ANK3: variants seen among roughly 807,000 people sequenced by gnomAD.
ANK3 encodes the protein ankyrin-3.
A neutral mutation model predicts 370.9 loss-of-function variants in ANK3; 57 were observed. The ratio of observed to expected loss-of-function variants is 0.15; its 90% confidence interval spans 0.12 to 0.19. ANK3 has a LOEUF of 0.19. ANK3 is among the 10% of genes least tolerant of loss of function. The pLI is 1.00. For missense variants in ANK3, 4,439 were observed against 5,302.1 expected (o/e 0.84, Z 5.06); for synonymous variants, 1,929 against 1,946.3 (o/e 0.99, Z 0.23).
intron 9 of ANK3, among the ~76,000 whole-genome samples, chr10:60,210,223 C>G (rs1204451839): frequency 1.3e-5 from 2 of 152,002 alleles, no homozygotes; most frequent in African/African-American, 2.4e-5. Flanking sequence ...GAGAACCAGA[C>G]AGCAAGCAAG....
At chr10:60,529,470 G>C (rs1179750559) in intron 2 of ANK3, among the ~76,000 whole-genome samples, 10 of 152,204 alleles carry the variant, frequency 6.6e-5, no homozygotes, top group South Asian at 6.2e-4. Flanking sequence ...AATTTATTTT[G>C]AAAATTAAGA....
At chr10:60,080,196 AT>A (rs902421906) in intron 36 of ANK3, among the ~76,000 whole-genome samples, 15 of 152,214 alleles carry the variant, frequency 9.9e-5, no homozygotes, top group African/African-American at 3.6e-4. Context: ...TATTTGAGTA[AT>A]TTTTTTCATC....
chr10:60,694,635 T>A (rs945255868), intron 1 of ANK3, among the ~76,000 whole-genome samples: 5 of 152,096 alleles, frequency 3.3e-5, no homozygotes, highest in Admixed American at 6.5e-5. Context: ...GAATTTCATA[T>A]CCAGCAAAAC....
intron 1 of ANK3, among the ~76,000 whole-genome samples, chr10:60,681,371 C>T (rs188409128): frequency 3.9e-5 from 6 of 152,280 alleles, no homozygotes; most frequent in African/African-American, 1.4e-4. Context: ...CGAATTTTTC[C>T]ATCTCAATTC....
At chr10:60,525,405 G>A (rs1451003099) in intron 2 of ANK3, among the ~76,000 whole-genome samples, 1 of 152,070 alleles carries the variant, frequency 6.6e-6, no homozygotes, top group Non-Finnish European at 1.5e-5. Flanking sequence ...TAATACACAT[G>A]TTGTTTCAAT....
At chr10:60,497,988 T>C (rs917180331) in intron 2 of ANK3, among the ~76,000 whole-genome samples, 1 of 152,232 alleles carries the variant, frequency 6.6e-6, no homozygotes, top group Non-Finnish European at 1.5e-5. Context: ...GTTTACCTTT[T>C]GTTGGAACAT....
chr10:60,172,870 T>C (rs2095831226), intron 20 of ANK3, 30 bp downstream of exon 20: 1 of 1,487,142 alleles, frequency 6.7e-7, no homozygotes, highest in Admixed American at 1.7e-5. Context: ...ATCTCCTCCC[T>C]CTTCTCCTGA....
intron 2 of ANK3, among the ~76,000 whole-genome samples, chr10:60,604,285 G>A (rs545657227): frequency 1.3e-5 from 2 of 152,262 alleles, no homozygotes; most frequent in East Asian, 1.9e-4. Flanking sequence ...GTTTTTATAA[G>A]AATTCTTTTA....
intron 2 of ANK3, among the ~76,000 whole-genome samples, chr10:60,588,059 A>G (rs1182374914): frequency 6.6e-6 from 1 of 152,096 alleles, no homozygotes; most frequent in East Asian, 1.9e-4. Context: ...AAAGAGAGAC[A>G]GCTAGACAGC....
At chr10:60,436,630 T>C (rs980284007) in intron 2 of ANK3, among the ~76,000 whole-genome samples, 2 of 152,204 alleles carry the variant, frequency 1.3e-5, no homozygotes, top group African/African-American at 4.8e-5. Flanking sequence ...TTCAAATGCT[T>C]TGCCTATTTT....
Position 60,074,475 on chromosome 10 carries a change from T to C in ANK3, c.6406A>G (p.Lys2136Glu). Residue 2136 changes from lysine (K) to glutamate (E), a missense_variant, in exon 37 of 44, where the codon AAG becomes GAG. Around this residue, in one of 13 missense-constraint regions of ANK3, gnomAD observed 7 missense variants for 26.9 expected, o/e 0.26. Coordinates refer to ENST00000280772, the MANE Select transcript of ANK3 (RefSeq NM_020987.5). ...SDSGFETRSE[K>E]TPSAPQSAES... is the part of the protein sequence containing the mutation. ...GCGCTTTGTGGGGCTGAAGGTGTCT[T>C]TTCACTTCTTGTTTCAAAGCCACTG... is the stretch of plus-strand genomic sequence containing the variant. The C allele has an allele frequency of 6.2e-7, 1 of 1,613,884 alleles. No homozygotes were observed. The highest frequency in any genetic ancestry group is 8.5e-7 in the Non-Finnish European group (1 of 1,179,952).
intron 2 of ANK3, among the ~76,000 whole-genome samples, chr10:60,445,663 T>A (rs1236737015): frequency 1.3e-5 from 2 of 152,122 alleles, no homozygotes; most frequent in Admixed American, 1.3e-4. Flanking sequence ...CCTAAATAAC[T>A]GCAATAACAG....
In ANK3 at chr10:60,105,924, T is replaced by C; in HGVS notation, c.3309A>G (p.Leu1103=). ...TATTACCTTCATCCATGCCATTAAG[T>C]AACTCGGTTAAATCTTCATTTTTGC... ...FDSKNEDLTE[L]LNGMDEELDS... Residue 1103 remains leucine (L), a synonymous_variant, in exon 28 of 44, where the codon TTA becomes TTG. Transcript: ENST00000280772. The C allele has an allele frequency of 1.2e-6, 2 of 1,611,064 alleles. No individual in the cohort carries two copies. Among genetic ancestry groups the C allele is most frequent in the Non-Finnish European group, 1.7e-6 (2 of 1,178,816 alleles).
intron 7 of ANK3, among the ~76,000 whole-genome samples, chr10:60,253,001 A>G (rs1441275528): frequency 6.6e-6 from 1 of 152,212 alleles, no homozygotes; most frequent in African/African-American, 2.4e-5. Flanking sequence ...CATCACATTG[A>G]TAGCATTAGG....
At chr10:60,605,541 T>A (rs570008945) in intron 2 of ANK3, among the ~76,000 whole-genome samples, 1 of 152,226 alleles carries the variant, frequency 6.6e-6, no homozygotes, top group Non-Finnish European at 1.5e-5. Context: ...TACTTAGTTA[T>A]AGATTCTATC....
intron 1 of ANK3, among the ~76,000 whole-genome samples, chr10:60,375,486 A>G (rs1476928567): frequency 2.6e-5 from 4 of 151,892 alleles, no homozygotes; most frequent in Non-Finnish European, 5.9e-5. Flanking sequence ...GTAACCCATT[A>G]AGGCCTGCCT....
At chr10:60,035,352 G>A (rs200010299) in intron 43 of ANK3, among the ~76,000 whole-genome samples, 5 of 151,878 alleles carry the variant, frequency 3.3e-5, no homozygotes, top group African/African-American at 7.3e-5. Flanking sequence ...AGGTTCAAGC[G>A]ATTCTCCTGC....
chr10:60,235,547 CTTGTTT>C (rs766532150), intron 7 of ANK3, among the ~76,000 whole-genome samples: 4 of 98,034 alleles, frequency 4.1e-5, no homozygotes, highest in Admixed American at 1.3e-4. Flanking sequence ...TCCCTGATTT[CTTGTTT>C]TTTTTTTTTT....
intron 1 of ANK3, among the ~76,000 whole-genome samples, chr10:60,319,829 C>G (rs993586969): frequency 3.9e-5 from 6 of 152,196 alleles, no homozygotes; most frequent in Non-Finnish European, 7.3e-5. Context: ...ATAAACCATG[C>G]CTCTTCACCA....
Sources: gnomAD v4.1 joint callset for allele counts (sites outside exome capture counted in the v4.1 genomes callset) on GRCh38, gnomAD v4.1.1 for gene constraint, gnomAD v4.1.1 regional missense constraint, MANE v1.5 for transcripts, NCBI Gene and HGNC (gene_info 2026-07-23, HGNC 2026-07-21) for gene names.